The following MAML2 variants were observed in gnomAD, a reference collection of about 807,000 sequenced individuals.
MAML2 encodes mastermind-like protein 2.
MAML2 carries 22 observed loss-of-function variants against 96.1 expected under a neutral mutation model. That is an observed-to-expected ratio of 0.23 (90% CI 0.16 to 0.33). MAML2 has a LOEUF of 0.33. Among genes scored for constraint, MAML2 ranks in the 10% least tolerant of loss-of-function variants. The pLI is 1.00. For missense variants in MAML2, 1,367 were observed against 1,392.4 expected (o/e 0.98, Z 0.29); for synonymous variants, 561 against 521.3 (o/e 1.08, Z -1.04).
At chr11:96,307,082 T>G (rs981279828) in intron 1 of MAML2, among the ~76,000 whole-genome samples, 2 of 152,186 alleles carry the variant, frequency 1.3e-5, no homozygotes, top group African/African-American at 4.8e-5. Flanking sequence ...TCACAACAGT[T>G]TGGCACCTCG....
intron 2 of MAML2, among the ~76,000 whole-genome samples, chr11:96,057,911 G>A (rs1424043967): frequency 3.3e-5 from 5 of 152,176 alleles, no homozygotes; most frequent in Non-Finnish European, 5.9e-5. Context: ...AGAACTTTCC[G>A]GGTTTCTCTT....
intron 3 of MAML2, among the ~76,000 whole-genome samples, chr11:95,988,901 A>G (rs981974333): frequency 2.0e-5 from 3 of 152,230 alleles, no homozygotes; most frequent in Non-Finnish European, 4.4e-5. Flanking sequence ...TTGAAAACCC[A>G]TTATAGAAAT....
intron 1 of MAML2, among the ~76,000 whole-genome samples, chr11:96,130,388 T>C (rs910812219): frequency 5.9e-5 from 9 of 152,240 alleles, no homozygotes; most frequent in African/African-American, 2.2e-4. Flanking sequence ...CAGCTTTCTC[T>C]ACCTCCTGTC....
At chr11:96,300,896 G>A (rs975485570) in intron 1 of MAML2, among the ~76,000 whole-genome samples, 1 of 152,192 alleles carries the variant, frequency 6.6e-6, no homozygotes, top group Non-Finnish European at 1.5e-5. Context: ...ATTGACTCCG[G>A]AATCTTGGTC....
chr11:96,093,635 T>C, intron 1 of MAML2, 118 bp from the exon 2 acceptor site: 1 of 797,002 alleles, frequency 1.3e-6, no homozygotes, highest in South Asian at 1.9e-5. Flanking sequence ...ATTCAGTTTT[T>C]TAAAAAAATG....
At chr11:96,066,545 G>A (rs1397276116) in intron 2 of MAML2, among the ~76,000 whole-genome samples, 1 of 152,200 alleles carries the variant, frequency 6.6e-6, no homozygotes, top group Non-Finnish European at 1.5e-5. Context: ...TGAATCTAAT[G>A]ATGTTTCCTT....
chr11:96,250,116 A>G (rs1286833070), intron 1 of MAML2, among the ~76,000 whole-genome samples: 2 of 152,186 alleles, frequency 1.3e-5, no homozygotes, highest in East Asian at 3.8e-4. Context: ...CTCTGCATGA[A>G]ATTAATCCCC....
intron 3 of MAML2, among the ~76,000 whole-genome samples, chr11:95,987,574 T>C (rs1857847365): frequency 6.6e-6 from 1 of 152,172 alleles, no homozygotes; most frequent in African/African-American, 2.4e-5. Flanking sequence ...ATGGGTAAAT[T>C]AGCTGGAAAA....
intron 2 of MAML2, among the ~76,000 whole-genome samples, chr11:96,065,401 A>G (rs1042413273): frequency 7.5e-6 from 1 of 133,842 alleles, no homozygotes; most frequent in Admixed American, 7.9e-5. Flanking sequence ...TCTAGTGCAC[A>G]TGCGTGCGTG....
At chr11:96,174,374 C>T (rs1861349640) in intron 1 of MAML2, among the ~76,000 whole-genome samples, 1 of 152,108 alleles carries the variant, frequency 6.6e-6, no homozygotes, top group Admixed American at 6.6e-5. Context: ...TTAGACATTA[C>T]CTATTTCACT....
chr11:96,259,541 G>A (rs1010753886), intron 1 of MAML2, among the ~76,000 whole-genome samples: 7 of 152,200 alleles, frequency 4.6e-5, no homozygotes, highest in South Asian at 2.1e-4. Context: ...TTTATGAACC[G>A]ACTTGCCTTT....
intron 1 of MAML2, among the ~76,000 whole-genome samples, chr11:96,232,410 G>A (rs562366716): frequency 6.6e-6 from 1 of 152,250 alleles, no homozygotes; most frequent in African/African-American, 2.4e-5. Context: ...AAAGGCCTAT[G>A]GTGTTAAGAG....
At chr11:96,209,839 T>C (rs1213181816) in intron 1 of MAML2, among the ~76,000 whole-genome samples, 2 of 152,144 alleles carry the variant, frequency 1.3e-5, no homozygotes, top group African/African-American at 2.4e-5. Context: ...TTTAATTTCT[T>C]ATATCAAGCA....
chr11:96,069,790 C>T (rs936028052), intron 2 of MAML2, among the ~76,000 whole-genome samples: 2 of 151,954 alleles, frequency 1.3e-5, no homozygotes, highest in Admixed American at 6.6e-5. Context: ...TTTGGGAGGC[C>T]GAGGCGGGCG....
At chr11:96,018,953 G>C (rs1349853106) in intron 2 of MAML2, among the ~76,000 whole-genome samples, 1 of 152,162 alleles carries the variant, frequency 6.6e-6, no homozygotes, top group East Asian at 1.9e-4. Flanking sequence ...GACAAGAGCA[G>C]TTTCACTGGA....
rs1207197862 is a variant in MAML2 at position 95,977,754 on chromosome 11, A to C, written c.*1194T>G. ...GCATGTGGCAATGATTCATCACATC[A>C]GGGACAAAAGAACAAACAGAATGCT... On this transcript the variant is annotated 3_prime_UTR_variant, in exon 5 of 5. Transcript: ENST00000524717. The C allele has an allele frequency of 4.5e-6, 1 of 223,902 alleles. No homozygotes were observed. The allele number at this position is 223,902 out of a possible 1,614,324, so 13.9% of individuals were successfully genotyped here. A position where few individuals can be genotyped will look rare whatever the true frequency, so the allele number is the denominator to read the frequency against.
intron 2 of MAML2, among the ~76,000 whole-genome samples, chr11:96,037,883 C>T (rs1858743526): frequency 6.6e-6 from 1 of 152,092 alleles, no homozygotes; most frequent in Non-Finnish European, 1.5e-5. Context: ...TGACAAAATA[C>T]CCCAAGAGAT....
chr11:96,296,141 A>G (rs1375943405), intron 1 of MAML2, among the ~76,000 whole-genome samples: 1 of 152,108 alleles, frequency 6.6e-6, no homozygotes, highest in Non-Finnish European at 1.5e-5. Context: ...GGCTCAAGCA[A>G]TCCACCTGCT....
intron 1 of MAML2, among the ~76,000 whole-genome samples, chr11:96,297,040 T>G (rs765521596): frequency 3.3e-5 from 5 of 152,136 alleles, no homozygotes; most frequent in Non-Finnish European, 7.4e-5. Flanking sequence ...CACCCACCTG[T>G]GCACATCATA....
Sources: allele counts gnomAD v4.1 joint callset (sites outside exome capture counted in the v4.1 genomes callset), GRCh38; gene constraint gnomAD v4.1.1; transcripts MANE v1.5; gene names NCBI Gene and HGNC (gene_info 2026-07-23, HGNC 2026-07-21).